The following CMTM4 variants were observed in gnomAD, a reference collection of about 807,000 sequenced individuals.
CMTM4 encodes CKLF-like MARVEL transmembrane domain-containing protein 4.
CMTM4 carries 8 observed loss-of-function variants against 19.0 expected under a neutral mutation model. That is an observed-to-expected ratio of 0.42 (90% confidence interval 0.25 to 0.76). The LOEUF (loss-of-function observed/expected upper bound fraction) is 0.76. Ranked by LOEUF, CMTM4 falls within the 30% of genes least tolerant of loss-of-function variation. The pLI, the probability that CMTM4 is intolerant of heterozygous loss-of-function variation, is 0.27. For synonymous variants in CMTM4, 106 were observed against 121.1 expected, an observed-to-expected ratio of 0.88 and a Z score of 0.82; for missense variants, 228 against 290.2, an observed-to-expected ratio of 0.79 and a Z score of 1.56.
the CMTM4 span, chr16:66,609,454 C>G: frequency 6.2e-7 from 1 of 1,613,020 alleles, no homozygotes; most frequent in Non-Finnish European, 8.5e-7. The surrounding 1 kb of genome is among the most constrained non-coding windows in gnomAD (Gnocchi z 4.4). Context: ...CGCTGTGTCA[C>G]CGCGGCCCTC....
chr16:66,668,244 A>G (rs1024082562), intron 1 of CMTM4, among the ~76,000 whole-genome samples: 5 of 151,684 alleles, frequency 3.3e-5, no homozygotes, highest in Admixed American at 3.3e-4. Flanking sequence ...CCTGGACTCA[A>G]GTGATCCTCC....
At chr16:66,628,192 A>C (rs8058171) in intron 2 of CMTM4, among the ~76,000 whole-genome samples, 1 of 152,198 alleles carries the variant, frequency 6.6e-6, no homozygotes, top group Admixed American at 6.5e-5. Context: ...ATGTACAATC[A>C]GGTTTTATAC....
chr16:66,612,469 T>C, downstream of CMTM4: 1 of 779,974 alleles, frequency 1.3e-6, no homozygotes, highest in Non-Finnish European at 2.1e-6. This position sits in a 1 kb window ranked among gnomAD's most constrained non-coding sequence, Gnocchi z 6.0. Context: ...ATGCCAGCGA[T>C]CACTGGGAAC....
the CMTM4 span, among the ~76,000 whole-genome samples, chr16:66,601,418 T>A: frequency 6.6e-6 from 1 of 152,272 alleles, no homozygotes; most frequent in African/African-American, 2.4e-5. Context: ...GTGTGGCTCC[T>A]CTCTGTACCT....
At chr16:66,630,386 C>T (rs370129518) in intron 2 of CMTM4, among the ~76,000 whole-genome samples, 8 of 145,610 alleles carry the variant, frequency 5.5e-5, no homozygotes, top group Middle Eastern at 6.9e-3. Context: ...CCTCTGATGC[C>T]GAGCCGAAGC....
At chr16:66,681,428 T>C (rs2016912236) in intron 1 of CMTM4, among the ~76,000 whole-genome samples, 1 of 152,034 alleles carries the variant, frequency 6.6e-6, no homozygotes, top group Non-Finnish European at 1.5e-5. Flanking sequence ...GCCATTCTCC[T>C]GCCTCAGCCT....
intron 2 of CMTM4, among the ~76,000 whole-genome samples, chr16:66,635,163 T>G (rs1018053449): frequency 6.6e-6 from 1 of 152,216 alleles, no homozygotes; most frequent in Non-Finnish European, 1.5e-5. Flanking sequence ...CATTTTCTTA[T>G]GGATAACATA....
chr16:66,612,181 G>A (rs1199783625), downstream of CMTM4, among the ~76,000 whole-genome samples: 1 of 152,194 alleles, frequency 6.6e-6, no homozygotes, highest in East Asian at 1.9e-4. The surrounding 1 kb of genome is among the most constrained non-coding windows in gnomAD (Gnocchi z 6.0). Context: ...TTGGGAGGCT[G>A]AGGTGGGTAG....
chr16:66,693,555 G>C (rs1460502844), intron 1 of CMTM4, among the ~76,000 whole-genome samples: 7 of 152,254 alleles, frequency 4.6e-5, no homozygotes, highest in East Asian at 1.9e-4. Context: ...TTTTCATCAA[G>C]GCTGGGAAGC....
chr16:66,608,141 T>C, the CMTM4 span, among the ~76,000 whole-genome samples: 2 of 152,320 alleles, frequency 1.3e-5, no homozygotes, highest in East Asian at 3.9e-4. This position sits in a 1 kb window ranked among gnomAD's most constrained non-coding sequence, Gnocchi z 5.1. Context: ...CCACTGTGCT[T>C]GGCCTGGGAT....
intron 2 of CMTM4, among the ~76,000 whole-genome samples, chr16:66,633,355 C>G (rs889758685): frequency 5.3e-5 from 8 of 151,972 alleles, no homozygotes; most frequent in Admixed American, 2.6e-4. Context: ...AACCATCAGG[C>G]TGGCTCTGCT....
intron 1 of CMTM4, among the ~76,000 whole-genome samples, chr16:66,649,308 A>G (rs575840032): frequency 6.6e-6 from 1 of 152,284 alleles, no homozygotes; most frequent in Admixed American, 6.5e-5. Context: ...TATTTAGGCA[A>G]GTACCATCCC....
chr16:66,624,721 C>T (rs1298136443), intron 2 of CMTM4, among the ~76,000 whole-genome samples: 1 of 152,094 alleles, frequency 6.6e-6, no homozygotes, highest in Admixed American at 6.5e-5. Flanking sequence ...GAGCTAAGAT[C>T]GTGCCACTGC....
chr16:66,636,288 G>C, intron 2 of CMTM4, 117 bp downstream of exon 2: 5 of 734,532 alleles, frequency 6.8e-6, no homozygotes, highest in Non-Finnish European at 1.1e-5. Context: ...AATTATAATA[G>C]AATATTTAAG....
chr16:66,632,031 C>G (rs566775175), intron 2 of CMTM4, among the ~76,000 whole-genome samples: 11 of 152,360 alleles, frequency 7.2e-5, no homozygotes, highest in Admixed American at 5.9e-4. Flanking sequence ...GCCAACTGTT[C>G]TCAACCCACC....
Position 66,691,417 on chromosome 16 carries a change from T to C in CMTM4, c.186+4923A>G, listed in dbSNP as rs141686509. Among the ~76,000 whole-genome samples the C allele has an allele frequency of 3.1e-3, 479 of 152,230 alleles. 3 individuals are homozygous for C. Among genetic ancestry groups the C allele is most frequent in the African/African-American group, 0.011 (458 of 41,554 alleles). On this transcript the variant is annotated intron_variant, in intron 1 of 3. Coordinates refer to ENST00000394106, the MANE Select transcript of CMTM4 (RefSeq NM_181521.3). ...GTACAGGTTTCATTTTGAAAAGATATAGGCGGAGGTAAGTGACTCATGCCT... is the reference window on the plus strand; with the variant it reads ...GTACAGGTTTCATTTTGAAAAGATACAGGCGGAGGTAAGTGACTCATGCCT...
intron 1 of CMTM4, among the ~76,000 whole-genome samples, chr16:66,665,711 G>A (rs924128695): frequency 6.6e-6 from 1 of 152,064 alleles, no homozygotes; most frequent in Non-Finnish European, 1.5e-5. Context: ...AGGAGGCAGA[G>A]GCTGCAGTAA....
intron 1 of CMTM4, among the ~76,000 whole-genome samples, chr16:66,680,174 A>T (rs2016882495): frequency 6.6e-6 from 1 of 152,210 alleles, no homozygotes; most frequent in Non-Finnish European, 1.5e-5. Flanking sequence ...TAAAAGCAAG[A>T]AATATAATAA....
At chr16:66,659,743 T>C (rs1282357467) in intron 1 of CMTM4, among the ~76,000 whole-genome samples, 1 of 152,224 alleles carries the variant, frequency 6.6e-6, no homozygotes, top group South Asian at 2.1e-4. Context: ...TGAAATGCTA[T>C]GATATTGAAG....
Sources: allele counts gnomAD v4.1 joint callset (sites outside exome capture counted in the v4.1 genomes callset), GRCh38; gene constraint gnomAD v4.1.1; non-coding constraint Gnocchi (gnomAD v3.1); transcripts MANE v1.5; gene names NCBI Gene and HGNC (gene_info 2026-07-23, HGNC 2026-07-21).